The following STAU1 variants were observed in gnomAD, a reference collection of about 807,000 sequenced individuals.
The protein encoded by STAU1 is double-stranded RNA-binding protein Staufen homolog 1.
STAU1 carries 13 observed loss-of-function variants against 62.9 expected under a neutral mutation model. The ratio of observed to expected loss-of-function variants is 0.21; its 90% confidence interval spans 0.13 to 0.33. The LOEUF is 0.33. STAU1 is among the 10% of genes least tolerant of loss of function. The probability of loss-of-function intolerance (pLI) is 1.00; values close to 1 mark genes in which losing one functional copy is unlikely to be tolerated. For missense variants in STAU1, 571 were observed against 712.1 expected, an observed-to-expected ratio of 0.80 and a Z score of 2.25; for synonymous variants, 269 against 265.1, an observed-to-expected ratio of 1.01 and a Z score of -0.14.
chr20:49,206,414 GTTTTTTTTTTTT>G, the STAU1 span, among the ~76,000 whole-genome samples: 2 of 76,598 alleles, frequency 2.6e-5, no homozygotes, highest in Admixed American at 1.7e-4. Flanking sequence ...CTTCCTTCTG[GTTTTTTTTTTTT>G]TTTTTTTTTT....
At position 49,127,728 on chromosome 20, in the gene STAU1, G is replaced by C. The variant is rs117403194; in HGVS notation, c.610-3141C>G. 6.8e-4 allele frequency among the ~76,000 whole-genome samples: 104 copies of C among 151,964 alleles called. 4 individuals carry two copies. The East Asian group carries it at 0.016, about 23-fold the overall frequency. ...CTAAAAAACAAAAAAAACTAAAAAAGGGGCCAGGCACATTGGCTCACTCTT... is the reference window on the plus strand; with the variant it reads ...CTAAAAAACAAAAAAAACTAAAAAACGGGCCAGGCACATTGGCTCACTCTT... On this transcript the variant is annotated intron_variant, in intron 6 of 13. Transcript: ENST00000371856.
upstream of STAU1, among the ~76,000 whole-genome samples, chr20:49,188,993 G>A (rs1007686132): frequency 1.3e-5 from 2 of 151,824 alleles, no homozygotes; most frequent in African/African-American, 4.8e-5. Flanking sequence ...TAGGTCAAGA[G>A]ATCGAGACCA....
rs369339001 is a variant in STAU1, at chr20:49,152,114, A to C, written c.345-367T>G. Among the ~76,000 whole-genome samples, 9 of 152,318 alleles carry C rather than the reference A, an allele frequency of 5.9e-5. No homozygotes were observed. The East Asian group carries it at 7.7e-4, about 13-fold the overall frequency. ...CTTAGCTTTAAATTTGCATGTCTCC[A>C]ATAGGAGGCTGGGAATTTTAATGCA... On this transcript the variant is annotated intron_variant, in intron 4 of 13. Coordinates refer to ENST00000371856, the MANE Select transcript of STAU1 (RefSeq NM_017453.4).
chr20:49,161,092 G>A (rs1375639611), intron 3 of STAU1, among the ~76,000 whole-genome samples: 1 of 151,994 alleles, frequency 6.6e-6, no homozygotes, highest in Non-Finnish European at 1.5e-5. Flanking sequence ...GCCAAGGCAG[G>A]CAGATTGTTT....
intron 2 of STAU1, among the ~76,000 whole-genome samples, chr20:49,168,697 A>C (rs1305246675): frequency 6.6e-6 from 1 of 152,164 alleles, no homozygotes; most frequent in Non-Finnish European, 1.5e-5. Context: ...TAAGGTAGTG[A>C]TTCTCAAAAG....
chr20:49,141,268 G>A (rs577535508), intron 5 of STAU1, among the ~76,000 whole-genome samples: 1 of 152,260 alleles, frequency 6.6e-6, no homozygotes, highest in South Asian at 2.1e-4. Flanking sequence ...AAGTACTACT[G>A]ACGTCGGACT....
rs2092246288 is a variant in STAU1 at position 49,113,972 on chromosome 20, A to G, written c.*906T>C. On this transcript the variant is annotated 3_prime_UTR_variant, in exon 14 of 14. Coordinates refer to ENST00000371856, the MANE Select transcript of STAU1 (RefSeq NM_017453.4). ...ATAAAAATGAAATAAAAATGGAACC[A>G]AATGATCATCTAAAGTTTAAAATTC... is the stretch of plus-strand genomic sequence containing the variant. 2.6e-5 allele frequency: 4 copies of G among 152,690 alleles called. No individual in the cohort carries two copies. 9.5% of individuals were successfully genotyped at this position (152,690 alleles called of 1,614,324 possible). A position where few individuals can be genotyped will look rare whatever the true frequency, so the allele number is the denominator to read the frequency against.
chr20:49,186,895 C>T (rs932516921), intron 1 of STAU1, among the ~76,000 whole-genome samples: 2 of 152,044 alleles, frequency 1.3e-5, no homozygotes, highest in African/African-American at 4.8e-5. Flanking sequence ...AGCCGAAGAA[C>T]AGTGGCAGAA....
intron 3 of STAU1, among the ~76,000 whole-genome samples, chr20:49,156,233 C>A (rs915682023): frequency 5.3e-5 from 8 of 152,122 alleles, no homozygotes; most frequent in Admixed American, 6.6e-5. Flanking sequence ...ACACTCTTAT[C>A]AAAAATATAT....
chr20:49,217,983 C>T, the STAU1 span, among the ~76,000 whole-genome samples: 2 of 151,464 alleles, frequency 1.3e-5, no homozygotes, highest in South Asian at 2.1e-4. Context: ...AAGCGATTCT[C>T]CTGCTTCAGC....
intron 6 of STAU1, among the ~76,000 whole-genome samples, chr20:49,130,415 C>T (rs1439057258): frequency 2.0e-5 from 3 of 152,048 alleles, no homozygotes; most frequent in Admixed American, 6.6e-5. Context: ...CAAAACACAT[C>T]GAACTGTGCA....
upstream of STAU1, among the ~76,000 whole-genome samples, chr20:49,192,870 C>A (rs2093832967): frequency 6.6e-6 from 1 of 152,104 alleles, no homozygotes; most frequent in South Asian, 2.1e-4. Flanking sequence ...TGTTTTGGAT[C>A]TCTATGAGCC....
At chr20:49,153,421 C>T (rs770601090) in intron 4 of STAU1, among the ~76,000 whole-genome samples, 17 of 141,078 alleles carry the variant, frequency 1.2e-4, no homozygotes, top group African/African-American at 3.4e-4. Context: ...AAAAAAGAGG[C>T]GCAGCCAGGT....
chr20:49,161,805 A>G (rs1428950105), intron 3 of STAU1, among the ~76,000 whole-genome samples: 1 of 152,246 alleles, frequency 6.6e-6, no homozygotes, highest in Non-Finnish European at 1.5e-5. Flanking sequence ...CAGCCATGAT[A>G]CAAAACTGCA....
intron 8 of STAU1, among the ~76,000 whole-genome samples, chr20:49,121,748 ATATATC>A (rs1340647088): frequency 6.6e-6 from 1 of 152,244 alleles, no homozygotes; most frequent in African/African-American, 2.4e-5. Flanking sequence ...ACACCCATGT[ATATATC>A]TATAACATAC....
At chr20:49,129,280 AT>A (rs71184264) in intron 6 of STAU1, among the ~76,000 whole-genome samples, 48 of 87,960 alleles carry the variant, frequency 5.5e-4, no homozygotes, top group South Asian at 3.2e-3. Context: ...TTAAAAAAAA[AT>A]TTTTTTTTTT....
intron 5 of STAU1, among the ~76,000 whole-genome samples, chr20:49,138,273 C>G (rs2092933397): frequency 6.6e-6 from 1 of 151,952 alleles, no homozygotes. Flanking sequence ...CAGTGTGAGA[C>G]CGTGTCACAC....
At chr20:49,208,261 T>C in the STAU1 span, among the ~76,000 whole-genome samples, 1 of 152,132 alleles carries the variant, frequency 6.6e-6, no homozygotes, top group African/African-American at 2.4e-5. Flanking sequence ...GGTTTCACCA[T>C]GTTCTCCAGG....
intron 1 of STAU1, among the ~76,000 whole-genome samples, chr20:49,178,663 A>G (rs997340007): frequency 6.6e-6 from 1 of 152,184 alleles, no homozygotes; most frequent in Non-Finnish European, 1.5e-5. Flanking sequence ...AGGCTGAACA[A>G]TCACTTGAAC....
Sources: allele counts gnomAD v4.1 joint callset (sites outside exome capture counted in the v4.1 genomes callset), GRCh38; gene constraint gnomAD v4.1.1; transcripts MANE v1.5; gene names NCBI Gene and HGNC (gene_info 2026-07-23, HGNC 2026-07-21).